PHYH: variants seen among roughly 807,000 people sequenced by gnomAD.
PHYH encodes the protein phytanoyl-CoA 2-hydroxylase, also known as phytanoyl-CoA dioxygenase, peroxisomal.
PHYH carries 32 observed loss-of-function variants against 38.5 expected under a neutral mutation model. That is an observed-to-expected ratio of 0.83 (90% CI 0.63 to 1.12). The LOEUF (loss-of-function observed/expected upper bound fraction) is 1.12. Among genes scored for constraint, PHYH ranks in the 50% most tolerant of loss-of-function variants. The pLI, the probability that PHYH is intolerant of heterozygous loss-of-function variation, is 0.00. For missense variants in PHYH, 426 were observed against 434.8 expected (o/e 0.98, Z 0.18); for synonymous variants, 166 against 157.9 (o/e 1.05, Z -0.38).
intron 1 of PHYH, 76 bp downstream of exon 1, chr10:13,299,892 C>A: frequency 2.1e-6 from 3 of 1,462,158 alleles, no homozygotes; most frequent in Non-Finnish European, 2.7e-6. Context: ...GAGGCCTCCA[C>A]CCGGACCAGG....
intron 5 of PHYH, 149 bp downstream of exon 5, chr10:13,291,682 G>C (rs1835713309): frequency 9.0e-6 from 6 of 666,550 alleles, no homozygotes; most frequent in Non-Finnish European, 1.6e-5. Flanking sequence ...GCCTCACTAT[G>C]TTGCCCAGGC....
chr10:13,282,408 T>TG (rs1367959309), intron 7 of PHYH, among the ~76,000 whole-genome samples: 4 of 152,096 alleles, frequency 2.6e-5, no homozygotes, highest in Non-Finnish European at 4.4e-5. Context: ...TTGGCCAACC[T>TG]GGGGAAACCC....
intron 8 of PHYH, among the ~76,000 whole-genome samples, chr10:13,279,832 T>C (rs1835371142): frequency 1.3e-5 from 2 of 152,236 alleles, no homozygotes; most frequent in South Asian, 4.1e-4. Flanking sequence ...AAAGCTCCAG[T>C]TGACAAAATG....
In PHYH at chr10:13,288,545, A is replaced by G. The variant is rs180885259; in HGVS notation, c.497-4T>C. On this transcript the variant is annotated splice_region_variant and splice_polypyrimidine_tract_variant and intron_variant, in intron 5 of 8. Coordinates refer to ENST00000263038, the MANE Select transcript of PHYH (RefSeq NM_006214.4). ...GGGTGACGGGACGTCTTCTTGCCTG[A>G]AAAGAAAACCTGCTACTAAAGGATA... 2 of 1,613,916 alleles carry G rather than the reference A, an allele frequency of 1.2e-6. No individual in the cohort carries two copies. The highest frequency in any genetic ancestry group is 4.5e-5 in the East Asian group (2 of 44,866).
intron 1 of PHYH, 152 bp from the exon 2 acceptor site, chr10:13,298,397 T>A: frequency 1.7e-6 from 1 of 602,554 alleles, no homozygotes; most frequent in Admixed American, 2.5e-5. Flanking sequence ...TGAAACCCCA[T>A]CTCTACTAAA....
rs190709242 is a variant in PHYH, at chr10:13,282,767, T to C, written c.828+923A>G. On this transcript the variant is annotated intron_variant, in intron 7 of 8. Coordinates refer to ENST00000263038, the MANE Select transcript of PHYH (RefSeq NM_006214.4). ...TTTGGCATTGTGCGCAGCCAATACA[T>C]TGGGTATTTTGCATTAATTTTGATT... is the stretch of plus-strand genomic sequence containing the variant. Among the ~76,000 whole-genome samples the C allele has an allele frequency of 2.2e-3, 329 of 152,232 alleles. 1 individual carries two copies. The highest frequency in any genetic ancestry group is 7.3e-3 in the African/African-American group (302 of 41,546).
chr10:13,286,726 A>C (rs928260899), intron 6 of PHYH, among the ~76,000 whole-genome samples: 2 of 151,468 alleles, frequency 1.3e-5, no homozygotes, highest in Admixed American at 1.3e-4. Context: ...ACAACAAAAA[A>C]CTACTATCAT....
At chr10:13,294,675 G>A in intron 3 of PHYH, 79 bp from the exon 4 acceptor site, 2 of 1,255,302 alleles carry the variant, frequency 1.6e-6, no homozygotes, top group Non-Finnish European at 2.3e-6. Flanking sequence ...GGAAAGGGTT[G>A]CAGACTTGAG....
At chr10:13,282,176 C>A (rs887209770) in intron 7 of PHYH, among the ~76,000 whole-genome samples, 2 of 152,100 alleles carry the variant, frequency 1.3e-5, no homozygotes, top group Non-Finnish European at 2.9e-5. Context: ...GCTTGAGCCT[C>A]AGTGTTCCAA....
rs763326989 is a variant in PHYH at position 13,288,516 on chromosome 10, C to G, written c.522G>C (p.Leu174=). The G allele has an allele frequency of 1.9e-6, 3 of 1,614,112 alleles. No homozygotes were observed. The highest frequency in any genetic ancestry group is 2.5e-6 in the Non-Finnish European group (3 of 1,180,026). Residue 174 remains leucine (L), a synonymous_variant, in exon 6 of 9, where the codon CTG becomes CTC. Transcript: ENST00000263038. ...DSGKKTSRHP[L]HQDLHYFPFR... is the part of the protein sequence containing the mutation. ...AGGGGAAATAGTGCAGGTCCTGGTG[C>G]AGGGGGTGACGGGACGTCTTCTTGC...
chr10:13,284,948 C>A (rs767022086), intron 6 of PHYH, among the ~76,000 whole-genome samples: 6 of 152,124 alleles, frequency 3.9e-5, no homozygotes, highest in Non-Finnish European at 8.8e-5. Context: ...GCTAATCATA[C>A]CTCCCACTCT....
intron 2 of PHYH, among the ~76,000 whole-genome samples, chr10:13,297,766 G>A (rs11258313): frequency 0.058 from 8,583 of 149,060 alleles, 456 homozygotes; most frequent in African/African-American, 0.15. Flanking sequence ...CCGGCCACAA[G>A]TTAATTTAAA....
chr10:13,279,951 A>G (rs1373178195), intron 8 of PHYH, among the ~76,000 whole-genome samples: 1 of 152,194 alleles, frequency 6.6e-6, no homozygotes, highest in Non-Finnish European at 1.5e-5. Flanking sequence ...TCCAGGTTCT[A>G]AAGGGAGAAG....
At chr10:13,289,578 T>C (rs946160963) in intron 5 of PHYH, among the ~76,000 whole-genome samples, 1 of 152,162 alleles carries the variant, frequency 6.6e-6, no homozygotes, top group African/African-American at 2.4e-5. Context: ...TTGCATTAAT[T>C]ACATTGAAGA....
intron 1 of PHYH, 149 bp downstream of exon 1, chr10:13,299,819 G>A: frequency 7.6e-7 from 1 of 1,316,634 alleles, no homozygotes; most frequent in Non-Finnish European, 9.7e-7. Flanking sequence ...TGGAAGAGAC[G>A]CGACCCAGGC....
intron 1 of PHYH, among the ~76,000 whole-genome samples, chr10:13,298,940 TAATAATAATAATAATAATAATAATAAC>T (rs1288942548): frequency 7.7e-5 from 5 of 64,642 alleles, no homozygotes; most frequent in Admixed American, 2.6e-4. Context: ...ATAATAATAA[TAATAATAATAATAATAATAATAATAAC>T]AACAATAACA....
intron 6 of PHYH, among the ~76,000 whole-genome samples, chr10:13,284,252 G>C (rs749514305): frequency 6.6e-6 from 1 of 152,060 alleles, no homozygotes; most frequent in Non-Finnish European, 1.5e-5. Flanking sequence ...GAGCCGGGAG[G>C]GGGAGGTTCC....
chr10:13,278,450 T>C (rs890028224), intron 8 of PHYH, 96 bp from the exon 9 acceptor site: 1 of 868,166 alleles, frequency 1.2e-6, no homozygotes, highest in Non-Finnish European at 2.0e-6. Context: ...GATTTCTAGC[T>C]TCTATGAAAG....
At position 13,280,967 on chromosome 10, in the gene PHYH, C is replaced by A. The variant is rs781124179; in HGVS notation, c.963+9G>T. ...GAGATTTTTACCTTGCTATTGTATA[C>A]AAACATACCTTCAAGTTCACGCTAT... On this transcript the variant is annotated intron_variant, in intron 8 of 8. Coordinates refer to ENST00000263038, the MANE Select transcript of PHYH (RefSeq NM_006214.4). The A allele has an allele frequency of 1.2e-6, 2 of 1,613,474 alleles. No homozygotes were observed. Among genetic ancestry groups the A allele is most frequent in the Non-Finnish European group, 1.7e-6 (2 of 1,179,406 alleles).
Sources: gnomAD v4.1 joint callset for allele counts (sites outside exome capture counted in the v4.1 genomes callset) on GRCh38, gnomAD v4.1.1 for gene constraint, MANE v1.5 for transcripts, NCBI Gene and HGNC (gene_info 2026-07-23, HGNC 2026-07-21) for gene names.